JADE3: variants seen among roughly 807,000 people sequenced by gnomAD.
The protein encoded by JADE3 is protein Jade-3.
A neutral mutation model predicts 50.1 loss-of-function variants in JADE3; 2 were observed. The observed-to-expected ratio is 0.04, with a 90% CI of 0.02 to 0.13. The LOEUF is 0.13. JADE3 is among the 10% of genes least tolerant of loss of function. The pLI is 1.00. For missense variants in JADE3, 475 were observed against 634.4 expected (o/e 0.75, Z 2.70); for synonymous variants, 218 against 232.9 (o/e 0.94, Z 0.58).
intron 8 of JADE3, among the ~76,000 whole-genome samples, chrX:47,050,513 A>G (rs1929482779): frequency 8.9e-6 from 1 of 111,971 alleles, no homozygotes; most frequent in Admixed American, 9.5e-5. Flanking sequence ...CCCATTGACC[A>G]GCATTTTTCA....
intron 1 of JADE3, among the ~76,000 whole-genome samples, chrX:46,983,332 G>A (rs1927796335): frequency 9.0e-6 from 1 of 110,891 alleles, no homozygotes; most frequent in South Asian, 3.9e-4. Flanking sequence ...CTGAGTGTCA[G>A]CCCCAGGTCT....
At chrX:46,926,118 C>T (rs1441960806) in intron 1 of JADE3, among the ~76,000 whole-genome samples, 2 of 108,553 alleles carry the variant, frequency 1.8e-5, no homozygotes, top group African/African-American at 6.8e-5. Flanking sequence ...TGGTCTTGAA[C>T]TCCTGGGCTC....
chrX:46,992,539 G>C (rs1556356280), intron 3 of JADE3, among the ~76,000 whole-genome samples: 1 of 111,425 alleles, frequency 9.0e-6, no homozygotes, highest in East Asian at 2.8e-4. Context: ...TCTCTGAATT[G>C]GGTATTTGTG....
At chrX:46,965,384 A>G (rs2147122175) in intron 1 of JADE3, among the ~76,000 whole-genome samples, 1 of 111,859 alleles carries the variant, frequency 8.9e-6, no homozygotes, top group Admixed American at 9.5e-5. Flanking sequence ...AAGATTTTCA[A>G]AGAGATAAAG....
intron 1 of JADE3, among the ~76,000 whole-genome samples, chrX:46,919,198 T>C (rs1926167988): frequency 8.9e-6 from 1 of 111,859 alleles, no homozygotes; most frequent in Non-Finnish European, 1.9e-5. Flanking sequence ...TTCTTGTGAG[T>C]GGCTTAACTG....
chrX:47,050,353 G>A (rs947652820), intron 8 of JADE3, among the ~76,000 whole-genome samples: 2 of 111,842 alleles, frequency 1.8e-5, no homozygotes, highest in Non-Finnish European at 3.8e-5. Flanking sequence ...TAGCATATCT[G>A]TCATCTCATG....
chrX:47,030,457 A>G (rs959815731), intron 6 of JADE3, among the ~76,000 whole-genome samples: 12 of 111,860 alleles, frequency 1.1e-4, no homozygotes, highest in African/African-American at 3.9e-4. Context: ...TTCACATAAG[A>G]GATTCTTCCA....
chrX:46,997,225 A>G (rs2147136869), intron 3 of JADE3, among the ~76,000 whole-genome samples: 1 of 111,898 alleles, frequency 8.9e-6, no homozygotes, highest in South Asian at 3.8e-4. Context: ...CTCTGAGGCC[A>G]GGCACCGTGC....
Position 47,058,710 on chromosome X carries a change from G to A in JADE3, c.2105G>A (p.Gly702Asp). ...PVFSPHLVSQ[G>D]SFRKSTVEHF... Reference sequence around the variant, plus strand: ...TTCAGCCCCCACTTGGTCAGTCAGGGCAGCTTTAGAAAATCCACTGTAGAA... The same window carrying A: ...TTCAGCCCCCACTTGGTCAGTCAGGACAGCTTTAGAAAATCCACTGTAGAA... The change falls in exon 11 of 11, where the codon GGC (glycine) becomes GAC (aspartate). Residue 702 changes from glycine to aspartate, a missense_variant. This residue lies in a region of JADE3 where 243 missense variants were observed against 238.2 expected (regional missense o/e 1.02). Coordinates refer to ENST00000614628, the MANE Select transcript of JADE3 (RefSeq NM_014735.5). 1 of 1,211,304 alleles carries A rather than the reference G, an allele frequency of 8.3e-7. No homozygotes were observed. The highest frequency in any genetic ancestry group is 1.1e-6 in the Non-Finnish European group (1 of 895,285).
intron 4 of JADE3, among the ~76,000 whole-genome samples, chrX:47,022,711 A>C (rs1225820873): frequency 8.9e-6 from 1 of 111,891 alleles, no homozygotes; most frequent in East Asian, 2.8e-4. Context: ...GTTCTTTAAA[A>C]TTGCCACAGA....
At chrX:46,992,692 G>A (rs1602399042) in intron 3 of JADE3, among the ~76,000 whole-genome samples, 1 of 111,819 alleles carries the variant, frequency 8.9e-6, no homozygotes, top group East Asian at 2.8e-4. Flanking sequence ...CAGAATTCTT[G>A]AGCCTTATGA....
At chrX:46,996,076 G>A (rs1351462847) in intron 3 of JADE3, among the ~76,000 whole-genome samples, 3 of 111,983 alleles carry the variant, frequency 2.7e-5, no homozygotes, top group Non-Finnish European at 3.8e-5. Context: ...TCGCTCTGTC[G>A]CCCAGGCTGG....
At chrX:47,048,053 C>T (rs1329742764) in intron 8 of JADE3, among the ~76,000 whole-genome samples, 1 of 111,529 alleles carries the variant, frequency 9.0e-6, no homozygotes, top group Non-Finnish European at 1.9e-5. Context: ...GCCAGGAAAG[C>T]TCACCCTTGG....
intron 4 of JADE3, among the ~76,000 whole-genome samples, chrX:47,012,282 C>T (rs782001563): frequency 5.4e-5 from 6 of 111,226 alleles, no homozygotes; most frequent in Non-Finnish European, 7.5e-5. Context: ...CTTTGAGGAA[C>T]GACAGTTTTT....
chrX:46,964,140 T>G (rs1315470096), intron 1 of JADE3, among the ~76,000 whole-genome samples: 1 of 112,220 alleles, frequency 8.9e-6, no homozygotes, highest in Non-Finnish European at 1.9e-5. Context: ...CTCTGAGACC[T>G]GGATGTGTAT....
chrX:47,038,885 G>A (rs1421314604), intron 7 of JADE3, 64 bp from the exon 8 acceptor site: 1 of 575,661 alleles, frequency 1.7e-6, no homozygotes, highest in Non-Finnish European at 3.0e-6. Flanking sequence ...ATCGTTTATG[G>A]TTTGTGAAAG....
At chrX:46,980,063 A>G (rs1556352588) in intron 1 of JADE3, among the ~76,000 whole-genome samples, 1 of 107,715 alleles carries the variant, frequency 9.3e-6, no homozygotes. Context: ...TATTTTTAGT[A>G]CAGACGGGGT....
In JADE3 at chrX:46,923,393, C is replaced by CTTTTTT. The variant is rs782555482; in HGVS notation, c.-12+10697_-12+10702dup. 1.1e-3 allele frequency among the ~76,000 whole-genome samples: 13 copies of CTTTTTT among 11,522 alleles called. 3 individuals carry two copies. Among genetic ancestry groups the CTTTTTT allele is most frequent in the Admixed American group, 3.1e-3 (2 of 646 alleles). The allele number at this position is 11,522 out of a possible 115,157, so 10.0% of individuals were successfully genotyped here. A position where few individuals can be genotyped will look rare whatever the true frequency, so the allele number is the denominator to read the frequency against. On this transcript the variant is annotated intron_variant, in intron 1 of 10. Coordinates refer to ENST00000614628, the MANE Select transcript of JADE3 (RefSeq NM_014735.5). ...ATTTCTTTTCTCTCTCTCTCTCTCTCTTTTTTTTTTTTTTTTTTTTTTTTT... is the reference window on the plus strand; with the variant it reads ...ATTTCTTTTCTCTCTCTCTCTCTCTCTTTTTTTTTTTTTTTTTTTTTTTTTTTTTTT...
chrX:46,986,802 G>T (rs1487359552), intron 3 of JADE3, among the ~76,000 whole-genome samples: 4 of 111,896 alleles, frequency 3.6e-5, no homozygotes, highest in African/African-American at 1.3e-4. Context: ...ATGGTTTAGT[G>T]GATCCTACAG....
Sources: gnomAD v4.1 joint callset for allele counts (sites outside exome capture counted in the v4.1 genomes callset) on GRCh38, gnomAD v4.1.1 for gene constraint, gnomAD v4.1.1 regional missense constraint, MANE v1.5 for transcripts, NCBI Gene and HGNC (gene_info 2026-07-23, HGNC 2026-07-21) for gene names.